The following PCDH11X variants were observed in gnomAD, a reference collection of about 807,000 sequenced individuals.
PCDH11X encodes the protein protocadherin 11 X-linked, also known as protocadherin-11 X-linked.
In PCDH11X, 18 loss-of-function variants were observed where a neutral mutation model predicts 53.3. The ratio of observed to expected loss-of-function variants is 0.34; its 90% CI spans 0.23 to 0.50. The LOEUF (loss-of-function observed/expected upper bound fraction) is 0.50, where lower values mean the gene tolerates loss of function less well. PCDH11X is among the 20% of genes least tolerant of loss of function. The pLI is 0.98. For synonymous variants in PCDH11X, 279 were observed against 393.3 expected (o/e 0.71, Z 3.44); for missense variants, 570 against 1,032.4 (o/e 0.55, Z 6.14).
In PCDH11X at chrX:92,468,328, G is replaced by A. The variant is rs779281599; in HGVS notation, c.3367+6G>A. 1.7e-4 allele frequency: 197 copies of A among 1,174,646 alleles called. No homozygotes were observed. Among genetic ancestry groups the A allele is most frequent in the Non-Finnish European group, 2.2e-4 (189 of 876,776 alleles). On this transcript the variant is annotated splice_donor_region_variant and intron_variant, in intron 10 of 10. Transcript: ENST00000682573. ...CATACCTGGACTAAAGAAAGGTACA[G>A]TAGAAATCAACACAAACCATCACCA...
At chrX:92,117,999 G>A (rs747455622) in intron 6 of PCDH11X, among the ~76,000 whole-genome samples, 4 of 109,479 alleles carry the variant, frequency 3.7e-5, no homozygotes, top group Admixed American at 9.6e-5. Context: ...CAGAGAACAC[G>A]GAAATTAGAG....
At chrX:92,421,563 A>C (rs972448808) in intron 9 of PCDH11X, among the ~76,000 whole-genome samples, 35 of 111,692 alleles carry the variant, frequency 3.1e-4, no homozygotes, top group African/African-American at 1.1e-3. Flanking sequence ...ATAATGCTGC[A>C]ATGAACATAC....
At chrX:92,326,014 C>T (rs1302683842) in intron 8 of PCDH11X, among the ~76,000 whole-genome samples, 1 of 112,049 alleles carries the variant, frequency 8.9e-6, no homozygotes, top group Non-Finnish European at 1.9e-5. Flanking sequence ...GAAACGAGTC[C>T]TCTGGTTATT....
intron 10 of PCDH11X, among the ~76,000 whole-genome samples, chrX:92,585,573 T>G (rs1279942926): frequency 1.8e-5 from 2 of 108,713 alleles, no homozygotes; most frequent in Admixed American, 9.8e-5. Context: ...GGTTTCACTG[T>G]GTTAGCCAGG....
In PCDH11X at chrX:92,109,466, G is replaced by A. The variant is rs1223890081; in HGVS notation, c.3034-91909G>A. Among the ~76,000 whole-genome samples the A allele has an allele frequency of 7.2e-5, 8 of 111,215 alleles. No individual in the cohort carries two copies. The East Asian group carries it at 2.3e-3, about 32-fold the overall frequency. On this transcript the variant is annotated intron_variant, in intron 6 of 10. Coordinates refer to ENST00000682573, the MANE Select transcript of PCDH11X (RefSeq NM_032968.5). ...TTGAAGATGGAATCATAGAGGGGTC[G>A]AAGTGAGGTTTTCTTGTTGTCTTCT...
chrX:91,827,248 A>G (rs901605724), intron 4 of PCDH11X, among the ~76,000 whole-genome samples: 45 of 111,764 alleles, frequency 4.0e-4, no homozygotes, highest in Non-Finnish European at 8.1e-4. Flanking sequence ...CTTGCTGGCC[A>G]CATGTAAGTC....
chrX:92,160,854 A>G (rs186614392), intron 6 of PCDH11X, among the ~76,000 whole-genome samples: 59 of 109,392 alleles, frequency 5.4e-4, no homozygotes, highest in Admixed American at 5.2e-3. Context: ...TTGATTTTTT[A>G]ATTATGGCCA....
chrX:92,053,296 A>G (rs2063393423), intron 6 of PCDH11X, among the ~76,000 whole-genome samples: 1 of 109,762 alleles, frequency 9.1e-6, no homozygotes, highest in African/African-American at 3.3e-5. Context: ...TTCAACAGAC[A>G]GCAGCATGAT....
intron 10 of PCDH11X, among the ~76,000 whole-genome samples, chrX:92,481,853 G>T: frequency 9.6e-6 from 1 of 104,443 alleles, no homozygotes; most frequent in African/African-American, 3.5e-5. Flanking sequence ...GTTTCCTACT[G>T]CTGGGATTCC....
intron 10 of PCDH11X, among the ~76,000 whole-genome samples, chrX:92,490,398 T>C (rs1183551012): frequency 1.8e-5 from 2 of 111,991 alleles, no homozygotes; most frequent in Non-Finnish European, 3.8e-5. Flanking sequence ...TTTATTGTGA[T>C]GAAGCTGTCA....
chrX:92,020,214 G>A (rs1379620521), intron 6 of PCDH11X, among the ~76,000 whole-genome samples: 1 of 112,638 alleles, frequency 8.9e-6, no homozygotes, highest in Non-Finnish European at 1.9e-5. Flanking sequence ...AGCTGCTGCT[G>A]TCTGCTGTCT....
intron 8 of PCDH11X, among the ~76,000 whole-genome samples, chrX:92,320,803 G>C (rs921669008): frequency 2.7e-5 from 3 of 111,541 alleles, no homozygotes; most frequent in African/African-American, 6.5e-5. Flanking sequence ...AAAGAAGAGG[G>C]ATTGGGGTAG....
chrX:92,428,176 A>G (rs1334913827), intron 9 of PCDH11X, among the ~76,000 whole-genome samples: 3 of 109,353 alleles, frequency 2.7e-5, no homozygotes, highest in African/African-American at 1.0e-4. Context: ...TGAAATGACA[A>G]TGAATTTTCT....
chrX:92,249,869 C>G (rs1317155925), intron 7 of PCDH11X, among the ~76,000 whole-genome samples: 1 of 111,534 alleles, frequency 9.0e-6, no homozygotes, highest in South Asian at 3.7e-4. Flanking sequence ...ATCAAATACT[C>G]CTAATTTCCT....
intron 4 of PCDH11X, among the ~76,000 whole-genome samples, chrX:91,818,566 A>G (rs1275991640): frequency 5.1e-4 from 56 of 109,767 alleles, no homozygotes; most frequent in Non-Finnish European, 9.1e-4. Flanking sequence ...TTAGCCGGGC[A>G]TGGTGGCACA....
At chrX:92,117,998 C>T (rs907147912) in intron 6 of PCDH11X, among the ~76,000 whole-genome samples, 3 of 109,278 alleles carry the variant, frequency 2.7e-5, no homozygotes, top group Non-Finnish European at 5.6e-5. Flanking sequence ...GCAGAGAACA[C>T]GGAAATTAGA....
At chrX:92,343,971 T>C (rs1319093761) in intron 8 of PCDH11X, among the ~76,000 whole-genome samples, 2 of 111,078 alleles carry the variant, frequency 1.8e-5, no homozygotes, top group Non-Finnish European at 3.8e-5. Flanking sequence ...CGTTTTTTTT[T>C]TTCTTGCCCC....
At chrX:92,050,238 C>A (rs1004932530) in intron 6 of PCDH11X, among the ~76,000 whole-genome samples, 21 of 109,781 alleles carry the variant, frequency 1.9e-4, no homozygotes, top group Non-Finnish European at 3.6e-4. Flanking sequence ...ATAAAATTAC[C>A]TTTACTTCTT....
At chrX:92,555,280 G>A (rs1230855384) in intron 10 of PCDH11X, among the ~76,000 whole-genome samples, 1 of 111,561 alleles carries the variant, frequency 9.0e-6, no homozygotes, top group Non-Finnish European at 1.9e-5. Context: ...TAATTCAAGT[G>A]TATAGTCTAA....
Sources: gnomAD v4.1 joint callset for allele counts (sites outside exome capture counted in the v4.1 genomes callset) on GRCh38, gnomAD v4.1.1 for gene constraint, MANE v1.5 for transcripts, NCBI Gene and HGNC (gene_info 2026-07-23, HGNC 2026-07-21) for gene names.